The following PTDSS2 variants were observed in gnomAD, a reference collection of about 807,000 sequenced individuals.
The protein encoded by PTDSS2 is phosphatidylserine synthase 2.
In PTDSS2, 41 loss-of-function variants were observed where a neutral mutation model predicts 64.7. The ratio of observed to expected loss-of-function variants is 0.63; its 90% CI spans 0.49 to 0.82. The LOEUF (loss-of-function observed/expected upper bound fraction) is 0.82, where lower values mean the gene tolerates loss of function less well. Ranked by LOEUF, PTDSS2 falls within the 40% of genes least tolerant of loss-of-function variation. PTDSS2 has a pLI of 0.00. For missense variants in PTDSS2, 485 were observed against 650.0 expected (o/e 0.75, Z 2.76); for synonymous variants, 297 against 277.8 (o/e 1.07, Z -0.69).
At chr11:448,297 C>G (rs1846180209), upstream of PTDSS2, 1 of 152,160 alleles carries the variant, frequency 6.6e-6, no homozygotes, top group Non-Finnish European at 1.5e-5. Flanking sequence ...CCAGTGGGGC[C>G]GGTACATCTC....
chr11:479,533 A>G lies in PTDSS2; in HGVS notation c.435+381A>G, dbSNP rs1847976656. On this transcript the variant is annotated intron_variant, in intron 4 of 11. Transcript: ENST00000308020. This position sits in a 1 kb window ranked among gnomAD's most constrained non-coding sequence, Gnocchi z 4.2. ...GCTTTGCCCACAGCTGTCGTATCTGAGTGCTGGTGGGGACTGGGCGTGAAG... is the reference window on the plus strand; with the variant it reads ...GCTTTGCCCACAGCTGTCGTATCTGGGTGCTGGTGGGGACTGGGCGTGAAG... The G allele has an allele frequency of 6.7e-6, 2 of 296,644 alleles. No homozygotes were observed. Among genetic ancestry groups the G allele is most frequent in the Non-Finnish European group, 1.3e-5 (2 of 155,438 alleles). 18.4% of individuals were successfully genotyped at this position (296,644 alleles called of 1,614,324 possible). A position where few individuals can be genotyped will look rare whatever the true frequency, so the allele number is the denominator to read the frequency against.
At chr11:481,128 C>T (rs1003110542) in intron 4 of PTDSS2, among the ~76,000 whole-genome samples, 3 of 151,532 alleles carry the variant, frequency 2.0e-5, no homozygotes, top group African/African-American at 7.3e-5. Context: ...TCCCAAAGTG[C>T]GGGGATTCCA....
chr11:490,196 C>T (rs139498822), intron 11 of PTDSS2, 128 bp downstream of exon 11: 21,871 of 1,184,104 alleles, frequency 0.018, 252 homozygotes, highest in Non-Finnish European at 0.022. Flanking sequence ...GCCGCCTCTG[C>T]GGGAGGCGCC....
At chr11:488,468 G>T (rs1014870752) in intron 7 of PTDSS2, 61 bp from the exon 8 acceptor site, 41 of 1,460,632 alleles carry the variant, frequency 2.8e-5, no homozygotes, top group Non-Finnish European at 3.8e-5. Context: ...CTCTTCCGGG[G>T]TCCTCCTCGG....
chr11:463,367 A>G (rs968919330), intron 2 of PTDSS2: 5 of 150,082 alleles, frequency 3.3e-5, no homozygotes, highest in Admixed American at 2.7e-4. Flanking sequence ...AGCTGGGAAT[A>G]CAGGGCCCAC....
intron 2 of PTDSS2, among the ~76,000 whole-genome samples, chr11:464,527 C>T (rs1284197670): frequency 6.6e-6 from 1 of 152,210 alleles, no homozygotes; most frequent in Non-Finnish European, 1.5e-5. Flanking sequence ...AGTGCATCTG[C>T]CTGGGTGAGA....
rs1481652631 is a variant in PTDSS2, at chr11:479,805, A to T, written c.435+653A>T. Reference sequence around the variant, plus strand: ...GGCTGTGTTGCTGCTGCAAATGCCTACTTTATTAATACTCTTTGTTCTGTT... The same window carrying T: ...GGCTGTGTTGCTGCTGCAAATGCCTTCTTTATTAATACTCTTTGTTCTGTT... On this transcript the variant is annotated intron_variant, in intron 4 of 11. Coordinates refer to ENST00000308020, the MANE Select transcript of PTDSS2 (RefSeq NM_030783.3). The surrounding 1 kb of genome is among the most constrained non-coding windows in gnomAD (Gnocchi z 4.2). Among the ~76,000 whole-genome samples, 1 of 152,192 alleles carries T rather than the reference A, an allele frequency of 6.6e-6. No individual in the cohort carries two copies. The highest frequency in any genetic ancestry group is 1.5e-5 in the Non-Finnish European group (1 of 68,036).
chr11:475,221 A>T (rs1256520696), intron 3 of PTDSS2, among the ~76,000 whole-genome samples: 2 of 69,028 alleles, frequency 2.9e-5, no homozygotes, highest in African/African-American at 1.4e-4. Context: ...GTCTTTGTGT[A>T]TATGGACATG....
At position 476,617 on chromosome 11, in the gene PTDSS2, C is replaced by T. The variant is rs1261390115; in HGVS notation, c.368-2468C>T. Reference sequence around the variant, plus strand: ...GTGACCCCTGGCACAGGGAGAGACTCCCGGGAGACCCTCAGCTCTGAGCAG... The same window carrying T: ...GTGACCCCTGGCACAGGGAGAGACTTCCGGGAGACCCTCAGCTCTGAGCAG... On this transcript the variant is annotated intron_variant, in intron 3 of 11. Transcript: ENST00000308020. The surrounding 1 kb of genome is among the most constrained non-coding windows in gnomAD (Gnocchi z 4.9). Among the ~76,000 whole-genome samples the T allele has an allele frequency of 6.6e-6, 1 of 152,164 alleles. No individual in the cohort carries two copies. Among genetic ancestry groups the T allele is most frequent in the Non-Finnish European group, 1.5e-5 (1 of 68,034 alleles).
chr11:484,982 C>T (rs1848253552), intron 4 of PTDSS2, among the ~76,000 whole-genome samples: 2 of 130,788 alleles, frequency 1.5e-5, no homozygotes, highest in African/African-American at 5.9e-5. Flanking sequence ...GTAAACTGCA[C>T]GGGCACGTGT....
intron 2 of PTDSS2, among the ~76,000 whole-genome samples, chr11:471,533 C>G (rs1467147635): frequency 6.6e-6 from 1 of 152,274 alleles, no homozygotes; most frequent in Admixed American, 6.5e-5. Context: ...CAAGCTGATT[C>G]AGGGAGCACC....
At chr11:465,175 A>G (rs986443150) in intron 2 of PTDSS2, among the ~76,000 whole-genome samples, 1 of 151,278 alleles carries the variant, frequency 6.6e-6, no homozygotes, top group Non-Finnish European at 1.5e-5. Flanking sequence ...CTAAATGTGA[A>G]ATGAGAAGCT....
intron 1 of PTDSS2, 125 bp downstream of exon 1, chr11:450,762 G>A (rs1846280168): frequency 6.8e-6 from 6 of 879,192 alleles, no homozygotes; most frequent in Non-Finnish European, 6.0e-6. Flanking sequence ...GTGGCCGGGG[G>A]TTTGAGGGTG....
chr11:478,074 C>T (rs568908714), intron 3 of PTDSS2, among the ~76,000 whole-genome samples: 1 of 152,202 alleles, frequency 6.6e-6, no homozygotes, highest in African/African-American at 2.4e-5. Flanking sequence ...CTGCTCGGAG[C>T]CGTGGGAAGT....
rs1848658274 is a variant in PTDSS2 at position 490,957 on chromosome 11, C to T, written c.*375C>T. 1.2e-5 allele frequency: 3 copies of T among 245,268 alleles called. No homozygotes were observed. The Admixed American group carries it at 1.5e-4, about 12-fold the overall frequency. 15.2% of individuals were successfully genotyped at this position (245,268 alleles called of 1,614,324 possible). On this transcript the variant is annotated 3_prime_UTR_variant, in exon 12 of 12. Coordinates refer to ENST00000308020, the MANE Select transcript of PTDSS2 (RefSeq NM_030783.3). ...GGAACCAGGGTCCTCCCTCCCCTTT[C>T]TGCCTGGTCAGCCCCGTGGCCTCTG...
Position 490,331 on chromosome 11 carries a change from C to T in PTDSS2, c.1302-89C>T, listed in dbSNP as rs556125075. On this transcript the variant is annotated intron_variant, in intron 11 of 11. Transcript: ENST00000308020. ...CGGCACCCACCCAGTCCATTCCGGA[C>T]CTCCACAGGGACTAGGTGCCAGCTG... 4.5e-6 allele frequency: 7 copies of T among 1,568,880 alleles called. No homozygotes were observed. The African/African-American group carries it at 8.1e-5, about 18-fold the overall frequency.
At chr11:464,805 A>G (rs1317587674) in intron 2 of PTDSS2, among the ~76,000 whole-genome samples, 2 of 152,260 alleles carry the variant, frequency 1.3e-5, no homozygotes, top group Non-Finnish European at 2.9e-5. Flanking sequence ...CATTTTACTC[A>G]ATAAAATACA....
In PTDSS2 at chr11:476,349, G is replaced by A. The variant is rs1031099591; in HGVS notation, c.367+2372G>A. ...GCGCCGTGACGGTGAGAAACTGCCC[G>A]TCACACAGTGAAAGGCCTGGCGCGG... On this transcript the variant is annotated intron_variant, in intron 3 of 11. Coordinates refer to ENST00000308020, the MANE Select transcript of PTDSS2 (RefSeq NM_030783.3). The surrounding 1 kb of genome is among the most constrained non-coding windows in gnomAD (Gnocchi z 4.9). Among the ~76,000 whole-genome samples, 3 of 152,160 alleles carry A rather than the reference G, an allele frequency of 2.0e-5. No individual in the cohort carries two copies. The highest frequency in any genetic ancestry group is 1.9e-4 in the East Asian group (1 of 5,202).
upstream of PTDSS2, among the ~76,000 whole-genome samples, chr11:448,613 C>T (rs756774282): frequency 6.6e-6 from 1 of 152,196 alleles, no homozygotes; most frequent in African/African-American, 2.4e-5. Context: ...GGCCCAACAG[C>T]ACGCCCCCTG....
Sources: gnomAD v4.1 joint callset for allele counts (sites outside exome capture counted in the v4.1 genomes callset) on GRCh38, gnomAD v4.1.1 for gene constraint, Gnocchi (gnomAD v3.1) non-coding constraint, MANE v1.5 for transcripts, NCBI Gene and HGNC (gene_info 2026-07-23, HGNC 2026-07-21) for gene names.